Variants in TRIO observed in about 807,000 individuals in gnomAD.
TRIO encodes trio Rho guanine nucleotide exchange factor, also known as triple functional domain protein.
Under a neutral mutation model 351.9 loss-of-function variants are expected in TRIO, and 58 were observed. That is an observed-to-expected ratio of 0.16 (90% confidence interval 0.13 to 0.21). The LOEUF (loss-of-function observed/expected upper bound fraction) is 0.21. Among genes scored for constraint, TRIO ranks in the 10% least tolerant of loss-of-function variants. TRIO has a pLI of 1.00. For missense variants in TRIO, 3,201 were observed against 4,027.8 expected (o/e 0.79, Z 5.56); for synonymous variants, 1,758 against 1,595.7 (o/e 1.10, Z -2.42).
chr5:14,275,714 T>C (rs1735437175), intron 2 of TRIO, among the ~76,000 whole-genome samples: 1 of 151,594 alleles, frequency 6.6e-6, no homozygotes, highest in African/African-American at 2.4e-5. Flanking sequence ...TTTGCTTGTT[T>C]TATTTCAAAG....
chr5:14,154,454 A>T (rs561953479), intron 1 of TRIO, among the ~76,000 whole-genome samples: 2 of 151,914 alleles, frequency 1.3e-5, no homozygotes, highest in African/African-American at 2.4e-5. Context: ...GTAGCCACTC[A>T]TTTTTTTGCT....
At chr5:14,442,738 A>G (rs1752164432) in intron 34 of TRIO, among the ~76,000 whole-genome samples, 1 of 152,230 alleles carries the variant, frequency 6.6e-6, no homozygotes, top group South Asian at 2.1e-4. Flanking sequence ...TAGATGATGC[A>G]TCTGCTCTCC....
At chr5:14,477,834 C>G (rs146276055) in intron 41 of TRIO, among the ~76,000 whole-genome samples, 1 of 152,148 alleles carries the variant, frequency 6.6e-6, no homozygotes, top group Admixed American at 6.5e-5. Context: ...ACACAGTATC[C>G]AAAAATCCAG....
chr5:14,504,011 G>A (rs1345904994), intron 54 of TRIO, among the ~76,000 whole-genome samples: 1 of 152,252 alleles, frequency 6.6e-6, no homozygotes, highest in Non-Finnish European at 1.5e-5. Flanking sequence ...AACGTGCAGG[G>A]AAAGGTGGCT....
chr5:14,218,760 G>A (rs151899), intron 1 of TRIO, among the ~76,000 whole-genome samples: 82,568 of 152,106 alleles, frequency 0.54, 22,870 homozygotes, highest in Non-Finnish European at 0.6. Flanking sequence ...TGGGGGTTCC[G>A]CGGCCACTGC....
rs546196798 is a variant in TRIO, at chr5:14,455,962, C to T, written c.5204-5057C>T. Among the ~76,000 whole-genome samples the T allele has an allele frequency of 5.2e-4, 79 of 152,342 alleles. 1 individual carries two copies. Among genetic ancestry groups the T allele is most frequent in the South Asian group, 1.2e-3 (6 of 4,826 alleles). On this transcript the variant is annotated intron_variant, in intron 34 of 56. Coordinates refer to ENST00000344204, the MANE Select transcript of TRIO (RefSeq NM_007118.4). ...AGGCTCAGGCTGCGTGGGAGCCCAC[C>T]GCAGTGGGGCTTGGGCATGGTGGGC...
chr5:14,417,439 GCAGAGGCTCC>G (rs1749739113), intron 33 of TRIO, among the ~76,000 whole-genome samples: 1 of 152,222 alleles, frequency 6.6e-6, no homozygotes. Flanking sequence ...ACACAGCATG[GCAGAGGCTCC>G]CAGAGGTCCT....
Position 14,286,763 on chromosome 5 carries a change from G to A in TRIO, c.348-108G>A, listed in dbSNP as rs761362025. The A allele has an allele frequency of 8.7e-5, 100 of 1,155,480 alleles. 1 individual carries two copies. Among genetic ancestry groups the A allele is most frequent in the Non-Finnish European group, 1.2e-4 (95 of 818,708 alleles). 71.6% of individuals were successfully genotyped at this position (1,155,480 alleles called of 1,614,324 possible). The stretch of plus-strand genomic sequence containing the variant: ...TGTGCTCCTTCCCCTGCCTCCGCAC[G>A]TGTCCAGCAGGGGAGGGAAGCTGGG... On this transcript the variant is annotated intron_variant, in intron 3 of 56. Transcript: ENST00000344204. The surrounding 1 kb of genome is among the most constrained non-coding windows in gnomAD (Gnocchi z 4.4).
chr5:14,506,854 C>T (rs944990594), intron 55 of TRIO, among the ~76,000 whole-genome samples: 28 of 152,318 alleles, frequency 1.8e-4, no homozygotes, highest in African/African-American at 2.6e-4. Context: ...CGCCATCCCC[C>T]GCAACAGGCG....
Position 14,387,464 on chromosome 5 carries a change from G to C in TRIO, c.3597G>C (p.Leu1199Phe). 1.2e-6 allele frequency: 2 copies of C among 1,612,784 alleles called. No homozygotes were observed. The highest frequency in any genetic ancestry group is 1.7e-6 in the Non-Finnish European group (2 of 1,179,388). ...AAACCAAAGAGAGAGTGAAGCTATT[G>C]ATACAGCTGGCTGATGGCTTTTGTG... is the stretch of plus-strand genomic sequence containing the variant. ...AKQTKERVKL[L>F]IQLADGFCEK... The change falls in exon 22 of 57, where the codon TTG becomes TTC. Residue 1199 changes from leucine to phenylalanine, a missense_variant. Coordinates refer to ENST00000344204, the MANE Select transcript of TRIO (RefSeq NM_007118.4).
chr5:14,165,609 A>T, intron 1 of TRIO, among the ~76,000 whole-genome samples: 1 of 150,674 alleles, frequency 6.6e-6, no homozygotes, highest in African/African-American at 2.4e-5. Context: ...TGTCTTTCTG[A>T]GGCTCTGTGT....
chr5:14,203,246 A>AAG (rs34299355), intron 1 of TRIO, among the ~76,000 whole-genome samples: 8,857 of 152,228 alleles, frequency 0.058, 839 homozygotes, highest in African/African-American at 0.2. Context: ...AGGCAATTTG[A>AAG]AGAGAGAGAT....
intron 1 of TRIO, among the ~76,000 whole-genome samples, chr5:14,247,215 A>C (rs1311142214): frequency 6.6e-6 from 1 of 152,202 alleles, no homozygotes; most frequent in African/African-American, 2.4e-5. Context: ...CCTCGGCTGG[A>C]GCCTGGGCCA....
intron 1 of TRIO, 34 bp downstream of exon 1, chr5:14,143,916 G>T (rs1787328906): frequency 9.5e-7 from 1 of 1,056,390 alleles, no homozygotes; most frequent in South Asian, 4.4e-5. Context: ...GCCCAGCGGC[G>T]CTGCCCCAAG....
chr5:14,301,724 C>G (rs1212324059), intron 7 of TRIO, among the ~76,000 whole-genome samples: 1 of 152,154 alleles, frequency 6.6e-6, no homozygotes, highest in Non-Finnish European at 1.5e-5. Flanking sequence ...GATGCTTTTT[C>G]TTTGTGGAGT....
chr5:14,160,724 A>C (rs754013510), intron 1 of TRIO, among the ~76,000 whole-genome samples: 1 of 152,238 alleles, frequency 6.6e-6, no homozygotes, highest in Non-Finnish European at 1.5e-5. Context: ...GCTCCCATTT[A>C]TCACACATTT....
intron 1 of TRIO, among the ~76,000 whole-genome samples, chr5:14,241,191 C>G (rs1173552567): frequency 6.6e-6 from 1 of 152,098 alleles, no homozygotes; most frequent in Non-Finnish European, 1.5e-5. Flanking sequence ...TTCCAAATAC[C>G]TTTTTTCCCA....
At chr5:14,381,375 C>G in intron 21 of TRIO, 123 bp downstream of exon 21, 2 of 1,223,010 alleles carry the variant, frequency 1.6e-6, no homozygotes, top group Non-Finnish European at 2.2e-6. Context: ...TCCACATTAA[C>G]TGGAGGATGC....
At chr5:14,177,220 G>T (rs1789460919) in intron 1 of TRIO, among the ~76,000 whole-genome samples, 1 of 152,136 alleles carries the variant, frequency 6.6e-6, no homozygotes, top group African/African-American at 2.4e-5. Context: ...ATATACGTGA[G>T]AAAACTCTTA....
Sources: allele counts gnomAD v4.1 joint callset (sites outside exome capture counted in the v4.1 genomes callset), GRCh38; gene constraint gnomAD v4.1.1; non-coding constraint Gnocchi (gnomAD v3.1); transcripts MANE v1.5; gene names NCBI Gene and HGNC (gene_info 2026-07-23, HGNC 2026-07-21).